Variants in FARS2 observed in about 807,000 individuals in gnomAD.
FARS2 encodes phenylalanyl-tRNA synthetase 2, mitochondrial, also known as phenylalanine--tRNA ligase, mitochondrial.
In FARS2, 40 loss-of-function variants were observed where a neutral mutation model predicts 46.4. The observed-to-expected ratio is 0.86, with a 90% CI of 0.67 to 1.12. The LOEUF is 1.12. FARS2 is among the 50% of genes most tolerant of loss of function. FARS2 has a pLI of 0.00. For synonymous variants in FARS2, 234 were observed against 214.9 expected (o/e 1.09, Z -0.78); for missense variants, 513 against 567.9 (o/e 0.90, Z 0.98).
chr6:5,616,316 A>T (rs1775479130), intron 6 of FARS2, among the ~76,000 whole-genome samples: 1 of 152,190 alleles, frequency 6.6e-6, no homozygotes, highest in Non-Finnish European at 1.5e-5. Flanking sequence ...TTCCATGTTG[A>T]TACTAGAAGT....
At chr6:5,286,380 AG>A (rs1220992204) in intron 1 of FARS2, among the ~76,000 whole-genome samples, 1 of 152,100 alleles carries the variant, frequency 6.6e-6, no homozygotes. Context: ...CTCCTGCCTC[AG>A]CCTCCCAAGT....
At chr6:5,425,593 A>G (rs1370458478) in intron 3 of FARS2, among the ~76,000 whole-genome samples, 1 of 152,174 alleles carries the variant, frequency 6.6e-6, no homozygotes, top group Non-Finnish European at 1.5e-5. Flanking sequence ...TGGTACACAG[A>G]GCAGGCGAGG....
At chr6:5,609,422 A>G (rs1775046249) in intron 5 of FARS2, 1 of 1,261,716 alleles carries the variant, frequency 7.9e-7, no homozygotes. Context: ...AGCTTCCACC[A>G]CCTCCAAAAT....
At chr6:5,692,552 G>T (rs1561804739) in intron 6 of FARS2, among the ~76,000 whole-genome samples, 1 of 152,156 alleles carries the variant, frequency 6.6e-6, no homozygotes, top group South Asian at 2.1e-4. Context: ...TTGATAATAG[G>T]ATTTTTGAAA....
chr6:5,304,167 T>G (rs370292605), intron 1 of FARS2, among the ~76,000 whole-genome samples: 8 of 152,340 alleles, frequency 5.3e-5, no homozygotes, highest in African/African-American at 1.9e-4. Flanking sequence ...CACCCACATT[T>G]ACCACCCTAA....
chr6:5,591,015 TATAAA>T lies in FARS2; in HGVS notation c.1066-22152_1066-22148del, dbSNP rs375228861. On this transcript the variant is annotated intron_variant, in intron 5 of 6. Coordinates refer to ENST00000274680, the MANE Select transcript of FARS2 (RefSeq NM_006567.5). ...GTGTAAATTATGCATATCAATCACA[TATAAA>T]AAACACACAGATCAAAGAAAATAAG... Among the ~76,000 whole-genome samples the T allele has an allele frequency of 8.2e-3, 1,246 of 152,296 alleles. 9 individuals are homozygous for T. Among genetic ancestry groups the T allele is most frequent in the South Asian group, 0.016 (75 of 4,824 alleles).
intron 6 of FARS2, among the ~76,000 whole-genome samples, chr6:5,615,692 C>T (rs150442231): frequency 4.6e-5 from 7 of 151,924 alleles, no homozygotes; most frequent in Non-Finnish European, 7.4e-5. Context: ...GCTTTTTTGC[C>T]GCTCATATTT....
intron 6 of FARS2, among the ~76,000 whole-genome samples, chr6:5,661,548 G>A (rs1048988466): frequency 6.6e-6 from 1 of 152,180 alleles, no homozygotes; most frequent in Admixed American, 6.5e-5. Flanking sequence ...GGAAGAGCCA[G>A]GGTGTGTGAG....
chr6:5,386,448 C>T lies in FARS2; in HGVS notation c.612+17266C>T, dbSNP rs185121564. Among the ~76,000 whole-genome samples, 18 of 152,176 alleles carry T rather than the reference C, an allele frequency of 1.2e-4. No individual in the cohort carries two copies. The East Asian group carries it at 3.1e-3, about 26-fold the overall frequency. On this transcript the variant is annotated intron_variant, in intron 2 of 6. Coordinates refer to ENST00000274680, the MANE Select transcript of FARS2 (RefSeq NM_006567.5). ...TTTTAAGGGGCCAGAGTGAGGCAAT[C>T]GTTCAGGTTGGCATTTTAGAAAAAT...
chr6:5,530,496 G>A (rs1435217513), intron 4 of FARS2, among the ~76,000 whole-genome samples: 1 of 151,872 alleles, frequency 6.6e-6, no homozygotes, highest in Non-Finnish European at 1.5e-5. Context: ...TGGGGTTATT[G>A]CATCCATGTG....
chr6:5,426,219 T>C (rs146767745), intron 3 of FARS2, among the ~76,000 whole-genome samples: 33 of 152,324 alleles, frequency 2.2e-4, no homozygotes, highest in Non-Finnish European at 2.8e-4. Context: ...ACTAGATATA[T>C]AGTTCATATA....
intron 5 of FARS2, among the ~76,000 whole-genome samples, chr6:5,569,730 A>T (rs1772530507): frequency 6.6e-6 from 1 of 152,178 alleles, no homozygotes; most frequent in African/African-American, 2.4e-5. Context: ...GTCAGAGCTG[A>T]GCCCTTTAAG....
chr6:5,439,285 A>T (rs193297235), intron 4 of FARS2, among the ~76,000 whole-genome samples: 1 of 152,288 alleles, frequency 6.6e-6, no homozygotes, highest in East Asian at 1.9e-4. Flanking sequence ...GAATTCGGGC[A>T]TCCTTTCCTG....
chr6:5,349,427 T>A (rs1757435104), intron 1 of FARS2, among the ~76,000 whole-genome samples: 1 of 152,222 alleles, frequency 6.6e-6, no homozygotes, highest in Admixed American at 6.5e-5. Context: ...TTTAATTCAA[T>A]TCATATGAAA....
At chr6:5,678,567 T>C (rs1778879421) in intron 6 of FARS2, among the ~76,000 whole-genome samples, 3 of 152,188 alleles carry the variant, frequency 2.0e-5, no homozygotes, top group Admixed American at 6.5e-5. Context: ...CCTCTTACTT[T>C]ATAAGTAAAT....
At chr6:5,268,553 G>A (rs1234267313) in intron 1 of FARS2, among the ~76,000 whole-genome samples, 9 of 152,030 alleles carry the variant, frequency 5.9e-5, no homozygotes, top group Admixed American at 2.0e-4. Flanking sequence ...GTTCTGTTCC[G>A]TTGATCTATA....
chr6:5,760,175 C>A (rs1762410697), intron 6 of FARS2, among the ~76,000 whole-genome samples: 1 of 152,164 alleles, frequency 6.6e-6, no homozygotes, highest in Non-Finnish European at 1.5e-5. Context: ...GACACTGAGT[C>A]TTAAAGTAAT....
At chr6:5,287,065 C>G (rs1767172036) in intron 1 of FARS2, among the ~76,000 whole-genome samples, 1 of 152,268 alleles carries the variant, frequency 6.6e-6, no homozygotes, top group Non-Finnish European at 1.5e-5. Flanking sequence ...TGCCTGTTAG[C>G]TCCAGCTTTA....
rs183286480 is a variant in FARS2, at chr6:5,700,433, G to A, written c.1218-70858G>A. On this transcript the variant is annotated intron_variant, in intron 6 of 6. Transcript: ENST00000274680. Reference sequence around the variant, plus strand: ...ATTTCTTTTTTTTTTTTGAGATGAAGTCTTGCGCTGTCACCCAGGCTGGAG... The same window carrying A: ...ATTTCTTTTTTTTTTTTGAGATGAAATCTTGCGCTGTCACCCAGGCTGGAG... Among the ~76,000 whole-genome samples the A allele has an allele frequency of 5.5e-4, 83 of 151,138 alleles. 1 individual carries two copies. The highest frequency in any genetic ancestry group is 4.9e-3 in the Admixed American group (75 of 15,214).
Sources: gnomAD v4.1 joint callset for allele counts (sites outside exome capture counted in the v4.1 genomes callset) on GRCh38, gnomAD v4.1.1 for gene constraint, MANE v1.5 for transcripts, NCBI Gene and HGNC (gene_info 2026-07-23, HGNC 2026-07-21) for gene names.